DYNC2H1: variants seen among roughly 807,000 people sequenced by gnomAD.
DYNC2H1 encodes the protein dynein cytoplasmic 2 heavy chain 1.
Under a neutral mutation model 570.0 loss-of-function variants are expected in DYNC2H1, and 410 were observed. That is an observed-to-expected ratio of 0.72 (90% confidence interval 0.66 to 0.78). The LOEUF is 0.78. DYNC2H1 is among the 30% of genes least tolerant of loss of function. The probability of loss-of-function intolerance (pLI) is 0.00; values close to 1 mark genes in which losing one functional copy is unlikely to be tolerated. For synonymous variants in DYNC2H1, 1,688 were observed against 1,677.6 expected (o/e 1.01, Z -0.15); for missense variants, 4,865 against 5,046.4 (o/e 0.96, Z 1.09).
At position 103,228,392 on chromosome 11, in the gene DYNC2H1, A is replaced by G. The variant is rs1863877684; in HGVS notation, c.9354-2868A>G. ...TCTCATGGGGCGCTCCCTTGCTGTGATGGTCTTTCCCTTCCCCTAGGAATG... is the reference window on the plus strand; with the variant it reads ...TCTCATGGGGCGCTCCCTTGCTGTGGTGGTCTTTCCCTTCCCCTAGGAATG... On this transcript the variant is annotated intron_variant, in intron 59 of 88. Coordinates refer to ENST00000375735, the MANE Select transcript of DYNC2H1 (RefSeq NM_001377.3). The surrounding 1 kb of genome is among the most constrained non-coding windows in gnomAD (Gnocchi z 6.1). Among the ~76,000 whole-genome samples, 1 of 152,114 alleles carries G rather than the reference A, an allele frequency of 6.6e-6. No homozygotes were observed. The highest frequency in any genetic ancestry group is 6.5e-5 in the Admixed American group (1 of 15,278).
In DYNC2H1 at chr11:103,211,834, G is replaced by C; in HGVS notation, c.8585G>C (p.Cys2862Ser). ...LKSFLLIHES[C>S]KAYGATPSRY... The stretch of plus-strand genomic sequence containing the variant: ...TCATTTTTATTAATCCATGAATCTT[G>C]TAAAGCATATGGTGCTACACCAAGC... Residue 2862 changes from cysteine (C) to serine (S), a missense_variant, in exon 54 of 89, where the codon TGT (cysteine) becomes TCT (serine). Around this residue, in one of 5 missense-constraint regions of DYNC2H1, gnomAD observed 2,401 missense variants for 2,454.6 expected, o/e 0.98. Coordinates refer to ENST00000375735, the MANE Select transcript of DYNC2H1 (RefSeq NM_001377.3). 1 of 1,428,760 alleles carries C rather than the reference G, an allele frequency of 7.0e-7. No homozygotes were observed. The highest frequency in any genetic ancestry group is 9.2e-7 in the Non-Finnish European group (1 of 1,087,204). The allele number at this position is 1,428,760 out of a possible 1,614,324, so 88.5% of individuals were successfully genotyped here.
intron 82 of DYNC2H1, among the ~76,000 whole-genome samples, chr11:103,332,228 G>C (rs1431233290): frequency 6.7e-6 from 1 of 148,698 alleles, no homozygotes; most frequent in Non-Finnish European, 1.5e-5. Flanking sequence ...TTATAGACTT[G>C]ATATAACCAA....
intron 75 of DYNC2H1, among the ~76,000 whole-genome samples, chr11:103,301,688 A>G (rs1217414833): frequency 6.6e-6 from 1 of 151,916 alleles, no homozygotes; most frequent in African/African-American, 2.4e-5. Flanking sequence ...CATTATGGGT[A>G]GTTGTTGTGA....
Position 103,241,397 on chromosome 11 carries a change from T to G in DYNC2H1, c.9820-2296T>G. On this transcript the variant is annotated intron_variant, in intron 63 of 88. Transcript: ENST00000375735. The surrounding 1 kb of genome is among the most constrained non-coding windows in gnomAD (Gnocchi z 5.1). ...TAAAATGTACCATAGAAATCTTATC[T>G]AAATCTGTCTGGAGACGTAAAATAA... 1.4e-6 allele frequency: 1 copy of G among 732,882 alleles called. No homozygotes were observed. Among genetic ancestry groups the G allele is most frequent in the Admixed American group, 2.7e-5 (1 of 37,694 alleles). The allele number at this position is 732,882 out of a possible 1,614,324, so 45.4% of individuals were successfully genotyped here.
intron 68 of DYNC2H1, 45 bp from the exon 69 acceptor site, chr11:103,257,563 C>G: frequency 6.4e-7 from 1 of 1,552,488 alleles, no homozygotes; most frequent in East Asian, 2.3e-5. Context: ...AGCACTAATT[C>G]TAAGGTGTTT....
chr11:103,200,229 A>C, intron 50 of DYNC2H1, 75 bp downstream of exon 50: 1 of 1,156,248 alleles, frequency 8.6e-7, no homozygotes. Context: ...TATCTTGTGC[A>C]AAATTTATTT....
intron 21 of DYNC2H1, 131 bp from the exon 22 acceptor site, chr11:103,153,172 C>A (rs1326625493): frequency 1.4e-5 from 10 of 703,020 alleles, no homozygotes; most frequent in Non-Finnish European, 2.0e-5. Context: ...AAATAACAAC[C>A]ATCCTTTGAA....
intron 84 of DYNC2H1, among the ~76,000 whole-genome samples, chr11:103,421,495 A>G (rs553826260): frequency 6.6e-6 from 1 of 152,320 alleles, no homozygotes; most frequent in East Asian, 1.9e-4. Flanking sequence ...AACTGAAATC[A>G]TAACAAACGG....
intron 82 of DYNC2H1, among the ~76,000 whole-genome samples, chr11:103,341,375 G>A (rs4754919): frequency 0.22 from 32,967 of 151,958 alleles, 3,695 homozygotes; most frequent in Admixed American, 0.31. Flanking sequence ...GTTGCAGATT[G>A]AGATTATTTA....
rs529335665 is a variant in DYNC2H1 at position 103,205,296 on chromosome 11, T to C, written c.8454+332T>C. ...TAACAATTAAAGAATTTTTAAATCC[T>C]TAAAAAATATCATCACTATGCTGTG... On this transcript the variant is annotated intron_variant, in intron 52 of 88. Transcript: ENST00000375735. The surrounding 1 kb of genome is among the most constrained non-coding windows in gnomAD (Gnocchi z 4.5). 2.0e-4 allele frequency among the ~76,000 whole-genome samples: 30 copies of C among 152,310 alleles called. No individual in the cohort carries two copies. Among genetic ancestry groups the C allele is most frequent in the African/African-American group, 7.2e-4 (30 of 41,576 alleles).
intron 82 of DYNC2H1, among the ~76,000 whole-genome samples, chr11:103,350,518 A>G (rs1939996600): frequency 6.6e-6 from 1 of 152,126 alleles, no homozygotes; most frequent in South Asian, 2.1e-4. Flanking sequence ...ACATTTTATT[A>G]TTATGATATT....
chr11:103,177,225 G>T lies in DYNC2H1; in HGVS notation c.5875-331G>T, dbSNP rs1409994325. The stretch of plus-strand genomic sequence containing the variant: ...GGAGAGAAGTAAGATAAGAATGAAT[G>T]AATGAATGAATAAGTGAATAAAATA... On this transcript the variant is annotated intron_variant, in intron 37 of 88. Transcript: ENST00000375735. The surrounding 1 kb of genome is among the most constrained non-coding windows in gnomAD (Gnocchi z 4.4). 6.6e-6 allele frequency among the ~76,000 whole-genome samples: 1 copy of T among 152,140 alleles called. No individual in the cohort carries two copies. Among genetic ancestry groups the T allele is most frequent in the East Asian group, 1.9e-4 (1 of 5,206 alleles).
intron 52 of DYNC2H1, among the ~76,000 whole-genome samples, chr11:103,206,990 C>T (rs1287324492): frequency 6.6e-6 from 1 of 151,962 alleles, no homozygotes; most frequent in African/African-American, 2.4e-5. Flanking sequence ...TGTGCAATCT[C>T]GGCTCACTGC....
At chr11:103,175,556 A>G (rs751756161) in intron 36 of DYNC2H1, among the ~76,000 whole-genome samples, 4 of 152,172 alleles carry the variant, frequency 2.6e-5, no homozygotes, top group Non-Finnish European at 5.9e-5. Context: ...AGTTTCTTTG[A>G]CTTTATGTAT....
Position 103,414,267 on chromosome 11 carries a change from A to G in DYNC2H1, c.12366+14395A>G, listed in dbSNP as rs543429249. Among the ~76,000 whole-genome samples the G allele has an allele frequency of 2.6e-5, 4 of 152,332 alleles. No individual in the cohort carries two copies. The South Asian group carries it at 6.2e-4, about 24-fold the overall frequency. ...ATTAAAAGGATATTAAGGGAATGTT[A>G]TTAATAATTTTATGCCTACAAATTC... On this transcript the variant is annotated intron_variant, in intron 84 of 88. Coordinates refer to ENST00000375735, the MANE Select transcript of DYNC2H1 (RefSeq NM_001377.3).
Position 103,289,458 on chromosome 11 carries a change from A to C in DYNC2H1, c.11095+1853A>C, listed in dbSNP as rs2135363402. Among the ~76,000 whole-genome samples the C allele has an allele frequency of 6.6e-6, 1 of 152,326 alleles. No individual in the cohort carries two copies. The highest frequency in any genetic ancestry group is 2.4e-5 in the African/African-American group (1 of 41,578). On this transcript the variant is annotated intron_variant, in intron 75 of 88. Transcript: ENST00000375735. This position sits in a 1 kb window ranked among gnomAD's most constrained non-coding sequence, Gnocchi z 4.2. ...GTTAGGTCTGATCTCTTTCACTGTC[A>C]TAATTTCCTCAGTTATAATATTTGC...
At chr11:103,248,890 C>G (rs1414622468) in intron 65 of DYNC2H1, among the ~76,000 whole-genome samples, 6 of 151,822 alleles carry the variant, frequency 4.0e-5, no homozygotes, top group Admixed American at 4.0e-4. Context: ...CTGAAAAAAA[C>G]AAACAAAAAA....
At chr11:103,301,773 C>T (rs1047617103) in intron 75 of DYNC2H1, among the ~76,000 whole-genome samples, 1 of 151,768 alleles carries the variant, frequency 6.6e-6, no homozygotes, top group African/African-American at 2.4e-5. Flanking sequence ...TCTCTTTTGA[C>T]CCATCATGAT....
At chr11:103,136,941 C>A (rs1479935332) in intron 17 of DYNC2H1, among the ~76,000 whole-genome samples, 1 of 151,464 alleles carries the variant, frequency 6.6e-6, no homozygotes, top group Non-Finnish European at 1.5e-5. Flanking sequence ...GATGGTATCT[C>A]ATTGTGGTTT....
Sources: allele counts gnomAD v4.1 joint callset (sites outside exome capture counted in the v4.1 genomes callset), GRCh38; gene constraint gnomAD v4.1.1; regional missense constraint gnomAD v4.1.1; non-coding constraint Gnocchi (gnomAD v3.1); transcripts MANE v1.5; gene names NCBI Gene and HGNC (gene_info 2026-07-23, HGNC 2026-07-21).